The following PARD3B variants were observed in gnomAD, a reference collection of about 807,000 sequenced individuals.
PARD3B encodes the protein par-3 family cell polarity regulator beta.
A neutral mutation model predicts 130.2 loss-of-function variants in PARD3B; 103 were observed. The observed-to-expected ratio is 0.79, with a 90% confidence interval of 0.67 to 0.93. The LOEUF (loss-of-function observed/expected upper bound fraction) is 0.93. PARD3B is among the 40% of genes least tolerant of loss of function. The probability of loss-of-function intolerance (pLI) is 0.00; values close to 1 mark genes in which losing one functional copy is unlikely to be tolerated. For synonymous variants in PARD3B, 583 were observed against 553.2 expected (o/e 1.05, Z -0.76); for missense variants, 1,609 against 1,499.2 (o/e 1.07, Z -1.21).
chr2:205,489,800 T>TA (rs1365930292), intron 20 of PARD3B, among the ~76,000 whole-genome samples: 1 of 152,060 alleles, frequency 6.6e-6, no homozygotes, highest in Non-Finnish European at 1.5e-5. Flanking sequence ...AATTTTGAGT[T>TA]ACACTGTCGG....
chr2:205,238,916 G>GTATATA (rs747790189), intron 15 of PARD3B, among the ~76,000 whole-genome samples: 26 of 118,452 alleles, frequency 2.2e-4, no homozygotes, highest in African/African-American at 8.3e-4. Flanking sequence ...ATATGTATGT[G>GTATATA]TATATATATA....
intron 20 of PARD3B, among the ~76,000 whole-genome samples, chr2:205,448,409 G>GT (rs776960790): frequency 9.7e-4 from 148 of 152,138 alleles, no homozygotes; most frequent in Middle Eastern, 6.8e-3. Context: ...TAAATGTTTG[G>GT]TTTTTTTCAC....
chr2:205,316,605 A>G (rs758739770), intron 18 of PARD3B, among the ~76,000 whole-genome samples: 2 of 152,232 alleles, frequency 1.3e-5, no homozygotes, highest in Non-Finnish European at 2.9e-5. Flanking sequence ...ACCCATAAAT[A>G]TGAAATCATT....
chr2:205,497,886 C>T (rs893984922), intron 20 of PARD3B, among the ~76,000 whole-genome samples: 2 of 151,966 alleles, frequency 1.3e-5, no homozygotes, highest in African/African-American at 4.8e-5. Context: ...CAAAATACCC[C>T]CAAACTATGG....
At chr2:204,924,573 C>T (rs985686214) in intron 2 of PARD3B, among the ~76,000 whole-genome samples, 1 of 152,004 alleles carries the variant, frequency 6.6e-6, no homozygotes, top group Non-Finnish European at 1.5e-5. Context: ...AGATTTGGCT[C>T]CCTCTCAAAT....
chr2:205,333,486 A>T (rs1319013085), intron 18 of PARD3B, among the ~76,000 whole-genome samples: 1 of 152,168 alleles, frequency 6.6e-6, no homozygotes, highest in African/African-American at 2.4e-5. Context: ...ACATTATAGA[A>T]CATAAATGTT....
In PARD3B at chr2:204,675,575, A is replaced by G. The variant is rs1043831225; in HGVS notation, c.121-10606A>G. Among the ~76,000 whole-genome samples the G allele has an allele frequency of 1.3e-5, 2 of 152,124 alleles. No individual in the cohort carries two copies. Among genetic ancestry groups the G allele is most frequent in the Non-Finnish European group, 2.9e-5 (2 of 67,986 alleles). ...TTAAAATTTGTTCTTTATTAAAAAA[A>G]AGCTCTATCTAGATCTGGACCTTTT... is the stretch of plus-strand genomic sequence containing the variant. On this transcript the variant is annotated intron_variant, in intron 1 of 22. Transcript: ENST00000406610. The surrounding 1 kb of genome is among the most constrained non-coding windows in gnomAD (Gnocchi z 4.4).
At chr2:204,559,653 A>G (rs1167619926) in intron 1 of PARD3B, among the ~76,000 whole-genome samples, 1 of 152,242 alleles carries the variant, frequency 6.6e-6, no homozygotes, top group Non-Finnish European at 1.5e-5. Context: ...ATCTAGAGCT[A>G]GAAATATCAT....
chr2:204,773,652 C>A (rs528806778), intron 2 of PARD3B, among the ~76,000 whole-genome samples: 1 of 152,100 alleles, frequency 6.6e-6, no homozygotes, highest in Admixed American at 6.6e-5. Flanking sequence ...TGTTCCCTTA[C>A]AAAAATGCAA....
chr2:204,827,967 A>G (rs2043652018), intron 2 of PARD3B, among the ~76,000 whole-genome samples: 1 of 152,124 alleles, frequency 6.6e-6, no homozygotes. Context: ...TTCAAAATAG[A>G]ATCTGGGAGG....
chr2:205,042,620 A>G (rs1305872010), intron 3 of PARD3B, among the ~76,000 whole-genome samples: 1 of 152,066 alleles, frequency 6.6e-6, no homozygotes, highest in Non-Finnish European at 1.5e-5. Flanking sequence ...ACTAAATAAA[A>G]TGGGGACTTG....
At chr2:205,045,472 T>A (rs940585629) in intron 3 of PARD3B, among the ~76,000 whole-genome samples, 1 of 152,016 alleles carries the variant, frequency 6.6e-6, no homozygotes, top group Non-Finnish European at 1.5e-5. Context: ...GGTCTCGAAC[T>A]CCTGACCTCC....
intron 1 of PARD3B, among the ~76,000 whole-genome samples, chr2:204,660,076 G>T (rs1366005726): frequency 1.3e-5 from 2 of 152,194 alleles, no homozygotes; most frequent in East Asian, 3.9e-4. Context: ...GAGGTGTGAA[G>T]TGCTGGTTGA....
chr2:205,212,545 C>T (rs2037699624), intron 15 of PARD3B, among the ~76,000 whole-genome samples: 1 of 152,026 alleles, frequency 6.6e-6, no homozygotes. Flanking sequence ...TGGAGCAATG[C>T]TGTGAAGTGG....
At chr2:204,806,073 G>T (rs1004776804) in intron 2 of PARD3B, among the ~76,000 whole-genome samples, 1 of 151,802 alleles carries the variant, frequency 6.6e-6, no homozygotes, top group African/African-American at 2.4e-5. Context: ...AAAGCAAACC[G>T]CAGATGCAAT....
chr2:204,554,572 C>A (rs1402217097), intron 1 of PARD3B, among the ~76,000 whole-genome samples: 1 of 151,874 alleles, frequency 6.6e-6, no homozygotes, highest in South Asian at 2.1e-4. Flanking sequence ...ACTTTTCAGT[C>A]TCTTTCCTGT....
chr2:205,583,111 G>A (rs1057169033), intron 22 of PARD3B, among the ~76,000 whole-genome samples: 1 of 152,194 alleles, frequency 6.6e-6, no homozygotes, highest in Non-Finnish European at 1.5e-5. Flanking sequence ...CAGAAAATGT[G>A]CAATATATGC....
intron 16 of PARD3B, among the ~76,000 whole-genome samples, chr2:205,278,033 C>A (rs2041019833): frequency 6.6e-6 from 1 of 152,124 alleles, no homozygotes; most frequent in African/African-American, 2.4e-5. Context: ...TAGCACCATG[C>A]TTGGACGCGG....
chr2:204,732,639 T>A (rs2039568633), intron 2 of PARD3B, among the ~76,000 whole-genome samples: 1 of 151,936 alleles, frequency 6.6e-6, no homozygotes, highest in Non-Finnish European at 1.5e-5. Context: ...AAGTAAGGAT[T>A]TCTTACTTCT....
Sources: gnomAD v4.1 joint callset for allele counts (sites outside exome capture counted in the v4.1 genomes callset) on GRCh38, gnomAD v4.1.1 for gene constraint, Gnocchi (gnomAD v3.1) non-coding constraint, MANE v1.5 for transcripts, NCBI Gene and HGNC (gene_info 2026-07-23, HGNC 2026-07-21) for gene names.